Variants in GRK3 observed in about 807,000 individuals in gnomAD.
The protein encoded by GRK3 is adrenergic, beta, receptor kinase 2.
In GRK3, 54 loss-of-function variants were observed where a neutral mutation model predicts 95.7. That is an observed-to-expected ratio of 0.56 (90% CI 0.45 to 0.71). The LOEUF is 0.71. GRK3 is among the 30% of genes least tolerant of loss of function. The pLI, the probability that GRK3 is intolerant of heterozygous loss-of-function variation, is 0.00. For synonymous variants in GRK3, 281 were observed against 290.8 expected (o/e 0.97, Z 0.34); for missense variants, 649 against 851.2 (o/e 0.76, Z 2.96).
chr22:25,586,326 T>C (rs1246958934), intron 1 of GRK3, among the ~76,000 whole-genome samples: 2 of 152,286 alleles, frequency 1.3e-5, no homozygotes, highest in African/African-American at 4.8e-5. Flanking sequence ...GTGACTATAG[T>C]CAATAATAAC....
At position 25,704,159 on chromosome 22, in the gene GRK3, G is replaced by C. The variant is rs1366764615; in HGVS notation, c.1278G>C (p.Glu426Asp). 1.2e-6 allele frequency: 2 copies of C among 1,613,808 alleles called. No individual in the cohort carries two copies. The highest frequency in any genetic ancestry group is 2.2e-5 in the East Asian group (1 of 44,868). The change falls in exon 15 of 21, where the codon GAG becomes GAC. Residue 426 changes from glutamate (E) to aspartate (D), a missense_variant. This residue lies in a region of GRK3 where 382 missense variants were observed against 493.8 expected (regional missense o/e 0.77). Coordinates refer to ENST00000324198, the MANE Select transcript of GRK3 (RefSeq NM_005160.4). ...CTCCTGAACTGAAGTCCCTTTTGGA[G>C]GGCTTGCTTCAGCGAGACGTTAGCA... ...TFSPELKSLLEGLLQRDVSKR... is the reference protein window; with the variant it reads ...TFSPELKSLLDGLLQRDVSKR...
intron 1 of GRK3, among the ~76,000 whole-genome samples, chr22:25,603,097 A>C (rs2146339083): frequency 6.6e-6 from 1 of 152,198 alleles, no homozygotes; most frequent in Admixed American, 6.5e-5. Context: ...TTGTATTTTT[A>C]GTAGAGGCGG....
chr22:25,590,502 T>C (rs1213064675), intron 1 of GRK3, among the ~76,000 whole-genome samples: 4 of 152,192 alleles, frequency 2.6e-5, no homozygotes, highest in Non-Finnish European at 4.4e-5. Flanking sequence ...AGGGTTTTAC[T>C]TACTGCATCC....
At chr22:25,636,236 G>A (rs1301796408) in intron 2 of GRK3, among the ~76,000 whole-genome samples, 2 of 152,138 alleles carry the variant, frequency 1.3e-5, no homozygotes, top group African/African-American at 4.8e-5. Flanking sequence ...GCCTAAATTT[G>A]GACACTAGAA....
At chr22:25,633,107 G>A (rs2084675759) in intron 2 of GRK3, among the ~76,000 whole-genome samples, 1 of 151,700 alleles carries the variant, frequency 6.6e-6, no homozygotes, top group African/African-American at 2.4e-5. Flanking sequence ...AATAAAGACA[G>A]GGTGTCACCA....
At chr22:25,591,101 C>T (rs1932473693) in intron 1 of GRK3, among the ~76,000 whole-genome samples, 1 of 152,176 alleles carries the variant, frequency 6.6e-6, no homozygotes, top group African/African-American at 2.4e-5. Context: ...TCCCAGTCTC[C>T]CATACTTCTG....
rs1230567049 is a variant in GRK3 at position 25,690,099 on chromosome 22, A to G, written c.958-90A>G. On this transcript the variant is annotated intron_variant, in intron 11 of 20. Coordinates refer to ENST00000324198, the MANE Select transcript of GRK3 (RefSeq NM_005160.4). ...GTTTAGGAACAAACTATGATAAAATAGTGAGATATCAGGTGTCTGCACTCA... is the reference window on the plus strand; with the variant it reads ...GTTTAGGAACAAACTATGATAAAATGGTGAGATATCAGGTGTCTGCACTCA... 5 of 847,576 alleles carry G rather than the reference A, an allele frequency of 5.9e-6. 1 individual carries two copies. The highest frequency in any genetic ancestry group is 9.5e-6 in the Non-Finnish European group (5 of 523,868). The allele number at this position is 847,576 out of a possible 1,614,324, so 52.5% of individuals were successfully genotyped here. A position where few individuals can be genotyped will look rare whatever the true frequency, so the allele number is the denominator to read the frequency against.
At chr22:25,698,009 C>T (rs983461460) in intron 13 of GRK3, among the ~76,000 whole-genome samples, 2 of 151,602 alleles carry the variant, frequency 1.3e-5, no homozygotes, top group African/African-American at 4.9e-5. Context: ...TACTGCGTAC[C>T]TGCAATGTAC....
chr22:25,571,881 G>A (rs1207111795), intron 1 of GRK3, among the ~76,000 whole-genome samples: 3 of 151,746 alleles, frequency 2.0e-5, no homozygotes, highest in African/African-American at 7.3e-5. Context: ...TATACTTTAA[G>A]TTCTAGGGTA....
chr22:25,589,554 C>CT (rs1352989221), intron 1 of GRK3, among the ~76,000 whole-genome samples: 2 of 152,068 alleles, frequency 1.3e-5, no homozygotes, highest in Non-Finnish European at 1.5e-5. Flanking sequence ...ATACATAACT[C>CT]TTATTTTGGT....
At chr22:25,647,288 C>CA in intron 3 of GRK3, 1 of 1,075,414 alleles carries the variant, frequency 9.3e-7, no homozygotes, top group Non-Finnish European at 1.4e-6. Flanking sequence ...GCAAAGAAAA[C>CA]AAAAGTCCAG....
chr22:25,593,751 T>G (rs999516184), intron 1 of GRK3, among the ~76,000 whole-genome samples: 3 of 152,072 alleles, frequency 2.0e-5, no homozygotes, highest in African/African-American at 7.2e-5. Context: ...TTTGAGGACT[T>G]TTTTTTGCAT....
At chr22:25,581,888 TGTAA>T (rs1004394608) in intron 1 of GRK3, among the ~76,000 whole-genome samples, 5 of 152,296 alleles carry the variant, frequency 3.3e-5, no homozygotes, top group African/African-American at 1.2e-4. Context: ...AACCTTGCAA[TGTAA>T]GTCTCTCTTA....
chr22:25,585,125 G>C (rs111471822), intron 1 of GRK3, among the ~76,000 whole-genome samples: 7,263 of 151,044 alleles, frequency 0.048, 8 homozygotes, highest in Middle Eastern at 0.09. Flanking sequence ...TTGTAGAACA[G>C]CTCTGCCTGC....
Position 25,718,252 on chromosome 22 carries a change from T to G in GRK3, c.1662T>G (p.Ala554=). The G allele has an allele frequency of 6.2e-7, 1 of 1,613,802 alleles. No homozygotes were observed. The highest frequency in any genetic ancestry group is 8.5e-7 in the Non-Finnish European group (1 of 1,179,784). ...NKQLGHEEDY[A]LGKDCIMHGY... is the part of the protein sequence containing the mutation. ...TGATTTTGTATTCCTCAGATTACGCTCTGGGGAAGGACTGTATTATGCACG... is the reference window on the plus strand; with the variant it reads ...TGATTTTGTATTCCTCAGATTACGCGCTGGGGAAGGACTGTATTATGCACG... The change falls in exon 19 of 21, where the codon GCT becomes GCG. Residue 554 remains alanine (A), a synonymous_variant. Transcript: ENST00000324198.
rs759778544 is a variant in GRK3 at position 25,722,514 on chromosome 22, G to A, written c.*64G>A. The A allele has an allele frequency of 5.8e-6, 9 of 1,552,014 alleles. No homozygotes were observed. Among genetic ancestry groups the A allele is most frequent in the Non-Finnish European group, 6.2e-6 (7 of 1,132,096 alleles). On this transcript the variant is annotated 3_prime_UTR_variant, in exon 21 of 21. Coordinates refer to ENST00000324198, the MANE Select transcript of GRK3 (RefSeq NM_005160.4). ...AGGGTCTCAGCCTTTTGGGGTGAAC[G>A]AGGATGAGGCATCTGATCTATTCGC...
chr22:25,676,338 T>G (rs2085029060), intron 8 of GRK3, among the ~76,000 whole-genome samples: 1 of 152,246 alleles, frequency 6.6e-6, no homozygotes, highest in Admixed American at 6.5e-5. Flanking sequence ...CATTAATTTC[T>G]GCTAGTTTTG....
At chr22:25,568,320 T>TA (rs59430661) in intron 1 of GRK3, among the ~76,000 whole-genome samples, 15 of 151,760 alleles carry the variant, frequency 9.9e-5, no homozygotes, top group South Asian at 4.2e-4. Flanking sequence ...CTTTTTTTTT[T>TA]AAAAAAAACA....
At chr22:25,706,144 T>C (rs928390812) in intron 15 of GRK3, among the ~76,000 whole-genome samples, 1 of 152,234 alleles carries the variant, frequency 6.6e-6, no homozygotes, top group Non-Finnish European at 1.5e-5. Flanking sequence ...TACTTGCCGA[T>C]AGCACAAATT....
Sources: gnomAD v4.1 joint callset for allele counts (sites outside exome capture counted in the v4.1 genomes callset) on GRCh38, gnomAD v4.1.1 for gene constraint, gnomAD v4.1.1 regional missense constraint, MANE v1.5 for transcripts, NCBI Gene and HGNC (gene_info 2026-07-23, HGNC 2026-07-21) for gene names.